The following DIS3L2 variants were observed in gnomAD, a reference collection of about 807,000 sequenced individuals.
The protein encoded by DIS3L2 is DIS3-like exonuclease 2.
DIS3L2 carries 34 observed loss-of-function variants against 97.5 expected under a neutral mutation model. That is an observed-to-expected ratio of 0.35 (90% CI 0.27 to 0.46). DIS3L2 has a LOEUF of 0.46. Among genes scored for constraint, DIS3L2 ranks in the 20% least tolerant of loss-of-function variants. DIS3L2 has a pLI of 1.00. For missense variants in DIS3L2, 1,038 were observed against 1,146.0 expected, an observed-to-expected ratio of 0.91 and a Z score of 1.36; for synonymous variants, 435 against 445.2, an observed-to-expected ratio of 0.98 and a Z score of 0.29.
intron 12 of DIS3L2, among the ~76,000 whole-genome samples, chr2:232,252,535 A>C (rs960651267): frequency 2.6e-5 from 4 of 152,064 alleles, no homozygotes; most frequent in Non-Finnish European, 5.9e-5. Context: ...AAAAGAAAGG[A>C]GCATTTTAAT....
chr2:232,108,297 G>GA (rs1447216826), intron 6 of DIS3L2, among the ~76,000 whole-genome samples: 2 of 152,170 alleles, frequency 1.3e-5, no homozygotes, highest in African/African-American at 4.8e-5. Context: ...AATAGATGCA[G>GA]AAAAGACCCT....
intron 10 of DIS3L2, among the ~76,000 whole-genome samples, chr2:232,218,453 C>T (rs1160686918): frequency 6.6e-6 from 1 of 152,122 alleles, no homozygotes; most frequent in Non-Finnish European, 1.5e-5. Flanking sequence ...GTGATCCATT[C>T]TTGGAGGTTT....
chr2:231,989,108 T>C (rs1320360256), intron 1 of DIS3L2, among the ~76,000 whole-genome samples: 5 of 152,204 alleles, frequency 3.3e-5, no homozygotes, highest in African/African-American at 1.2e-4. Flanking sequence ...GTTGAAATTA[T>C]GCGTGTAGAT....
chr2:232,111,100 G>A, intron 6 of DIS3L2: 2 of 398,528 alleles, frequency 5.0e-6, no homozygotes, highest in Non-Finnish European at 1.0e-5. Flanking sequence ...ACTTCAAAAT[G>A]TGAGATCCTG....
At chr2:232,242,648 G>C (rs1693132105) in intron 11 of DIS3L2, among the ~76,000 whole-genome samples, 1 of 152,198 alleles carries the variant, frequency 6.6e-6, no homozygotes, top group Non-Finnish European at 1.5e-5. Context: ...AGGTTTTATA[G>C]TCTTGTTGGT....
chr2:232,117,886 T>C (rs1045209490), intron 6 of DIS3L2, among the ~76,000 whole-genome samples: 1 of 152,270 alleles, frequency 6.6e-6, no homozygotes, highest in Non-Finnish European at 1.5e-5. Flanking sequence ...ACAAACTTAG[T>C]GGCTTCAACC....
At chr2:232,204,101 C>A (rs1168621517) in intron 9 of DIS3L2, among the ~76,000 whole-genome samples, 1 of 152,120 alleles carries the variant, frequency 6.6e-6, no homozygotes, top group Non-Finnish European at 1.5e-5. Flanking sequence ...CTTAATCTGG[C>A]AGCATCTGCG....
chr2:232,087,810 T>C (rs943812614), intron 6 of DIS3L2, 89 bp downstream of exon 6: 2 of 1,063,320 alleles, frequency 1.9e-6, no homozygotes, highest in Non-Finnish European at 2.8e-6. Flanking sequence ...AATAACACAA[T>C]GCCATTGATA....
In DIS3L2 at chr2:231,999,216, A is replaced by G. The variant is rs920358754; in HGVS notation, c.-93-15619A>G. 2.0e-5 allele frequency among the ~76,000 whole-genome samples: 3 copies of G among 151,916 alleles called. No homozygotes were observed. In the South Asian group the frequency reaches 6.2e-4, roughly 32 times the overall value. ...TGGATGCACTATGCATAGTTTGCCA[A>G]CCCCTCTTCTAGGCTCATATTTGTA... On this transcript the variant is annotated intron_variant, in intron 1 of 20. Transcript: ENST00000325385.
intron 5 of DIS3L2, among the ~76,000 whole-genome samples, chr2:232,053,527 C>G (rs1436595897): frequency 2.0e-5 from 3 of 152,202 alleles, no homozygotes; most frequent in Admixed American, 1.3e-4. Context: ...TACCACAAGA[C>G]TGCCCTCTAC....
chr2:232,010,412 T>G (rs1028507221), intron 1 of DIS3L2, among the ~76,000 whole-genome samples: 1 of 152,226 alleles, frequency 6.6e-6, no homozygotes, highest in African/African-American at 2.4e-5. Flanking sequence ...TAAAATGGTA[T>G]TAAGTAGTGT....
chr2:232,048,300 G>A (rs1320184713), intron 5 of DIS3L2, among the ~76,000 whole-genome samples: 2 of 152,204 alleles, frequency 1.3e-5, no homozygotes, highest in East Asian at 1.9e-4. Flanking sequence ...TCACACGCAA[G>A]TCACCATTTT....
chr2:232,335,780 C>A lies in DIS3L2; in HGVS notation c.2402C>A (p.Ala801Asp), dbSNP rs1425676194. ...TTGGTGTTTGCACTCCAGGCACTGGCCCTGCGGTCCCACCACTTCCAGAAG... is the reference window on the plus strand; with the variant it reads ...TTGGTGTTTGCACTCCAGGCACTGGACCTGCGGTCCCACCACTTCCAGAAG... ...VQKRIYCNAL[A>D]LRSHHFQKVG... The change falls in exon 20 of 21, where the codon GCC (alanine) becomes GAC (aspartate). Residue 801 changes from alanine to aspartate, a missense_variant. Physicochemically the swap from Ala to Asp is moderately radical, Grantham distance 126. Transcript: ENST00000325385. 3 of 1,550,340 alleles carry A rather than the reference C, an allele frequency of 1.9e-6. No homozygotes were observed. Among genetic ancestry groups the A allele is most frequent in the Non-Finnish European group, 1.7e-6 (2 of 1,146,976 alleles).
chr2:232,053,041 G>C (rs1695452212), intron 5 of DIS3L2, among the ~76,000 whole-genome samples: 1 of 152,070 alleles, frequency 6.6e-6, no homozygotes, highest in Admixed American at 6.5e-5. Context: ...TTTGTGAGAT[G>C]GACTGGACTA....
downstream of DIS3L2, chr2:232,340,763 G>A (rs1020657198): frequency 4.7e-5 from 22 of 471,082 alleles, no homozygotes; most frequent in Admixed American, 5.2e-4. Flanking sequence ...TCAACTCGGA[G>A]ACCCAGCCAG....
rs889995991 is a variant in DIS3L2, at chr2:232,269,278, G to A, written c.1659+5838G>A. On this transcript the variant is annotated intron_variant, in intron 13 of 20. Coordinates refer to ENST00000325385, the MANE Select transcript of DIS3L2 (RefSeq NM_152383.5). The surrounding 1 kb of genome is among the most constrained non-coding windows in gnomAD (Gnocchi z 4.5). ...TTCTCTCCAATACAGTCGCTTTCAAGAAATGAGCATTCCAGCTCTGCTGTT... is the reference window on the plus strand; with the variant it reads ...TTCTCTCCAATACAGTCGCTTTCAAAAAATGAGCATTCCAGCTCTGCTGTT... Among the ~76,000 whole-genome samples the A allele has an allele frequency of 9.9e-5, 15 of 152,170 alleles. No individual in the cohort carries two copies. Among genetic ancestry groups the A allele is most frequent in the African/African-American group, 3.4e-4 (14 of 41,422 alleles).
At chr2:231,993,906 T>TC (rs558957125) in intron 1 of DIS3L2, among the ~76,000 whole-genome samples, 9 of 152,156 alleles carry the variant, frequency 5.9e-5, no homozygotes, top group Non-Finnish European at 8.8e-5. Context: ...ATCTTTTTTT[T>TC]CCTTTGTGAA....
rs942175535 is a variant in DIS3L2, at chr2:232,281,898, G to C, written c.1660-18142G>C. On this transcript the variant is annotated intron_variant, in intron 13 of 20. Transcript: ENST00000325385. The surrounding 1 kb of genome is among the most constrained non-coding windows in gnomAD (Gnocchi z 4.1). Reference sequence around the variant, plus strand: ...AAGAGACATGGGAAGCATCGGGATTGCTCATACCTCCCAAAGTACAGCAGG... The same window carrying C: ...AAGAGACATGGGAAGCATCGGGATTCCTCATACCTCCCAAAGTACAGCAGG... Among the ~76,000 whole-genome samples, 1 of 151,860 alleles carries C rather than the reference G, an allele frequency of 6.6e-6. No homozygotes were observed. Among genetic ancestry groups the C allele is most frequent in the Non-Finnish European group, 1.5e-5 (1 of 67,800 alleles).
intron 19 of DIS3L2, chr2:232,335,501 G>C (rs929028307): frequency 1.0e-5 from 5 of 479,108 alleles, no homozygotes; most frequent in African/African-American, 9.8e-5. Context: ...CCCCACCTCA[G>C]TGCAGTCAGC....
Sources: allele counts gnomAD v4.1 joint callset (sites outside exome capture counted in the v4.1 genomes callset), GRCh38; gene constraint gnomAD v4.1.1; non-coding constraint Gnocchi (gnomAD v3.1); transcripts MANE v1.5; gene names NCBI Gene and HGNC (gene_info 2026-07-23, HGNC 2026-07-21).